Variants in PIAS1 observed in about 807,000 individuals in gnomAD.
PIAS1 encodes the protein protein inhibitor of activated STAT 1.
PIAS1 carries 6 observed loss-of-function variants against 71.3 expected under a neutral mutation model. The observed-to-expected ratio is 0.08, with a 90% CI of 0.05 to 0.17. PIAS1 has a LOEUF of 0.17. Ranked by LOEUF, PIAS1 falls within the 10% of genes least tolerant of loss-of-function variation. The pLI is 1.00. For synonymous variants in PIAS1, 303 were observed against 292.9 expected, an observed-to-expected ratio of 1.03 and a Z score of -0.35; for missense variants, 555 against 793.6, an observed-to-expected ratio of 0.70 and a Z score of 3.61.
chr15:68,112,042 C>T (rs1016394452), intron 2 of PIAS1, among the ~76,000 whole-genome samples: 5 of 152,124 alleles, frequency 3.3e-5, no homozygotes, highest in African/African-American at 9.7e-5. Context: ...TTCTTCCTCA[C>T]TGAGAAAATG....
intron 7 of PIAS1, among the ~76,000 whole-genome samples, chr15:68,163,350 T>G (rs2092937052): frequency 6.6e-6 from 1 of 152,214 alleles, no homozygotes; most frequent in Admixed American, 6.5e-5. Flanking sequence ...GTTGTATGCC[T>G]TTTTTGTGTG....
In PIAS1 at chr15:68,167,748, C is replaced by G. The variant is rs1164587980; in HGVS notation, c.1008+2944C>G. ...TGAGACAGAGTTTTGCTCTGTCACC[C>G]AGGCTGGAGTACAGTGGCCAGATCT... On this transcript the variant is annotated intron_variant, in intron 8 of 13. Coordinates refer to ENST00000249636, the MANE Select transcript of PIAS1 (RefSeq NM_016166.3). This position sits in a 1 kb window ranked among gnomAD's most constrained non-coding sequence, Gnocchi z 4.4. Among the ~76,000 whole-genome samples, 1 of 152,154 alleles carries G rather than the reference C, an allele frequency of 6.6e-6. No individual in the cohort carries two copies. Among genetic ancestry groups the G allele is most frequent in the African/African-American group, 2.4e-5 (1 of 41,440 alleles).
At chr15:68,129,465 G>A (rs1159325795) in intron 2 of PIAS1, among the ~76,000 whole-genome samples, 1 of 152,050 alleles carries the variant, frequency 6.6e-6, no homozygotes, top group Non-Finnish European at 1.5e-5. Flanking sequence ...TATAAAAGTT[G>A]TTGTTGTGAG....
At chr15:68,135,632 A>C (rs1393239183) in intron 2 of PIAS1, among the ~76,000 whole-genome samples, 1 of 53,956 alleles carries the variant, frequency 1.9e-5, no homozygotes. Context: ...TGACCCCCCC[A>C]CCTCCCTCCC....
intron 2 of PIAS1, among the ~76,000 whole-genome samples, chr15:68,132,291 A>G (rs146992862): frequency 0.012 from 1,853 of 151,978 alleles, 42 homozygotes; most frequent in African/African-American, 0.042. Flanking sequence ...ATCCTTGCTA[A>G]CACGGTGATA....
intron 11 of PIAS1, 49 bp from the exon 12 acceptor site, chr15:68,181,163 G>C: frequency 6.4e-7 from 1 of 1,569,710 alleles, no homozygotes; most frequent in Non-Finnish European, 8.7e-7. Context: ...TGTTAACCTT[G>C]AGAGTTTAAC....
Position 68,180,463 on chromosome 15 carries a change from A to AT in PIAS1, c.1482-745dup, listed in dbSNP as rs201589639. On this transcript the variant is annotated intron_variant, in intron 11 of 13. Coordinates refer to ENST00000249636, the MANE Select transcript of PIAS1 (RefSeq NM_016166.3). ...TTTCCTTTCCCTTAATTGTTAGTAA[A>AT]TTTTAAAAAAAAAGCTACTTAGCTA... Among the ~76,000 whole-genome samples, 190 of 112,046 alleles carry AT rather than the reference A, an allele frequency of 1.7e-3. 2 individuals are homozygous for AT. The highest frequency in any genetic ancestry group is 5.2e-3 in the South Asian group (21 of 4,034). 73.5% of individuals were successfully genotyped at this position (112,046 alleles called of 152,430 possible). A position where few individuals can be genotyped will look rare whatever the true frequency, so the allele number is the denominator to read the frequency against.
chr15:68,057,649 AC>A (rs1387019338), intron 1 of PIAS1: 1 of 258,350 alleles, frequency 3.9e-6, no homozygotes, highest in African/African-American at 2.3e-5. Flanking sequence ...TTTGATCCTT[AC>A]GCTGTAATTT....
chr15:68,167,801 G>A lies in PIAS1; in HGVS notation c.1008+2997G>A, dbSNP rs1030650027. 2.6e-5 allele frequency among the ~76,000 whole-genome samples: 4 copies of A among 152,180 alleles called. No homozygotes were observed. The South Asian group carries it at 8.3e-4, about 32-fold the overall frequency. ...GCTCACTGCAACCTCCACCTCCCAG[G>A]TTCAAGCAATTCCTCTGCTTCAGCC... On this transcript the variant is annotated intron_variant, in intron 8 of 13. Coordinates refer to ENST00000249636, the MANE Select transcript of PIAS1 (RefSeq NM_016166.3). This position sits in a 1 kb window ranked among gnomAD's most constrained non-coding sequence, Gnocchi z 4.4.
At chr15:68,141,872 T>TG in intron 2 of PIAS1, 74 bp from the exon 3 acceptor site, 6 of 843,136 alleles carry the variant, frequency 7.1e-6, no homozygotes, top group Admixed American at 2.3e-5. Context: ...AAGACATGTG[T>TG]GTTTTTTTTT....
chr15:68,109,047 C>G (rs1294818028), intron 2 of PIAS1, among the ~76,000 whole-genome samples: 1 of 152,160 alleles, frequency 6.6e-6, no homozygotes, highest in African/African-American at 2.4e-5. Context: ...TCTTTGTTAC[C>G]TGTCTGATAT....
chr15:68,108,611 A>G (rs1567045178), intron 2 of PIAS1, among the ~76,000 whole-genome samples: 1 of 152,142 alleles, frequency 6.6e-6, no homozygotes, highest in African/African-American at 2.4e-5. Context: ...TGCCTGCTTT[A>G]TATCACCATT....
At chr15:68,094,912 C>G (rs1567039104) in intron 2 of PIAS1, among the ~76,000 whole-genome samples, 1 of 152,108 alleles carries the variant, frequency 6.6e-6, no homozygotes, top group Non-Finnish European at 1.5e-5. Context: ...AATATTCTGT[C>G]TTTTTATCTG....
rs1395708143 is a variant in PIAS1 at position 68,189,087 on chromosome 15, T to G, written c.*1252T>G. ...CGTATCTGCCTTGTTTATCTTTTTC[T>G]TCACCTTTTAACAAGTATGACATAG... On this transcript the variant is annotated 3_prime_UTR_variant, in exon 14 of 14. Coordinates refer to ENST00000249636, the MANE Select transcript of PIAS1 (RefSeq NM_016166.3). 1.3e-5 allele frequency: 2 copies of G among 152,256 alleles called. No individual in the cohort carries two copies. The highest frequency in any genetic ancestry group is 4.8e-5 in the African/African-American group (2 of 41,474). 9.4% of individuals were successfully genotyped at this position (152,256 alleles called of 1,614,324 possible). A position where few individuals can be genotyped will look rare whatever the true frequency, so the allele number is the denominator to read the frequency against.
chr15:68,055,418 C>A (rs1047744776), intron 1 of PIAS1, among the ~76,000 whole-genome samples: 2 of 152,126 alleles, frequency 1.3e-5, no homozygotes, highest in Admixed American at 6.5e-5. Context: ...CTTTTCCCCG[C>A]TTTTCTCCCA....
Position 68,193,185 on chromosome 15 carries a change from C to G in PIAS1, c.*5350C>G, listed in dbSNP as rs1445394392. 1 of 152,384 alleles carries G rather than the reference C, an allele frequency of 6.6e-6. No individual in the cohort carries two copies. Among genetic ancestry groups the G allele is most frequent in the East Asian group, 1.9e-4 (1 of 5,206 alleles). 9.4% of individuals were successfully genotyped at this position (152,384 alleles called of 1,614,324 possible). On this transcript the variant is annotated 3_prime_UTR_variant, in exon 14 of 14. Coordinates refer to ENST00000249636, the MANE Select transcript of PIAS1 (RefSeq NM_016166.3). ...ATCCCGGAACCTCTCTGCCTGTTAA[C>G]AGAGCCCAGGGAACAGCTCGGAATT...
chr15:68,072,458 A>T (rs2092109113), intron 1 of PIAS1, among the ~76,000 whole-genome samples: 1 of 144,636 alleles, frequency 6.9e-6, no homozygotes, highest in Non-Finnish European at 1.5e-5. Flanking sequence ...CCAGATTGTT[A>T]TGAGAATTTT....
chr15:68,080,243 C>A (rs1001462852), intron 1 of PIAS1, among the ~76,000 whole-genome samples: 1 of 152,134 alleles, frequency 6.6e-6, no homozygotes, highest in African/African-American at 2.4e-5. Context: ...AATTATCTAT[C>A]AAAAATTAAA....
In PIAS1 at chr15:68,171,751, C is replaced by T. The variant is rs1041145818; in HGVS notation, c.1009-1981C>T. Among the ~76,000 whole-genome samples, 22 of 152,104 alleles carry T rather than the reference C, an allele frequency of 1.4e-4. No homozygotes were observed. Among genetic ancestry groups the T allele is most frequent in the Admixed American group, 3.9e-4 (6 of 15,276 alleles). ...CTTTCTTAGAGACACAGTAAATCAT[C>T]GGTATCAAAGCAATTATTTTGGGCC... On this transcript the variant is annotated intron_variant, in intron 8 of 13. Transcript: ENST00000249636. This position sits in a 1 kb window ranked among gnomAD's most constrained non-coding sequence, Gnocchi z 4.4.
Sources: allele counts gnomAD v4.1 joint callset (sites outside exome capture counted in the v4.1 genomes callset), GRCh38; gene constraint gnomAD v4.1.1; non-coding constraint Gnocchi (gnomAD v3.1); transcripts MANE v1.5; gene names NCBI Gene and HGNC (gene_info 2026-07-23, HGNC 2026-07-21).